SYT1: variants seen among roughly 807,000 people sequenced by gnomAD.
SYT1 encodes synaptotagmin 1.
A neutral mutation model predicts 44.8 loss-of-function variants in SYT1; 8 were observed. The ratio of observed to expected loss-of-function variants is 0.18; its 90% CI spans 0.10 to 0.32. The LOEUF is 0.32. Among genes scored for constraint, SYT1 ranks in the 10% least tolerant of loss-of-function variants. SYT1 has a pLI of 1.00. For missense variants in SYT1, 286 were observed against 509.3 expected, an observed-to-expected ratio of 0.56 and a Z score of 4.22; for synonymous variants, 154 against 188.8, an observed-to-expected ratio of 0.82 and a Z score of 1.51.
chr12:79,233,326 C>G (rs1024736983), intron 4 of SYT1, among the ~76,000 whole-genome samples: 1 of 152,170 alleles, frequency 6.6e-6, no homozygotes, highest in Non-Finnish European at 1.5e-5. Flanking sequence ...CTAACATAGC[C>G]CAGTTTCCTG....
intron 3 of SYT1, among the ~76,000 whole-genome samples, chr12:79,112,473 G>A (rs1235939474): frequency 6.6e-6 from 1 of 152,064 alleles, no homozygotes; most frequent in Non-Finnish European, 1.5e-5. Flanking sequence ...AAGCCATGTG[G>A]AGCCATTGAG....
At chr12:79,436,029 A>G (rs1003889303) in intron 9 of SYT1, among the ~76,000 whole-genome samples, 12 of 152,188 alleles carry the variant, frequency 7.9e-5, no homozygotes, top group Non-Finnish European at 5.9e-5. Flanking sequence ...ACAGTCTGGG[A>G]GAAATATTTC....
chr12:79,352,854 A>T (rs1882967430), intron 8 of SYT1, among the ~76,000 whole-genome samples: 1 of 152,190 alleles, frequency 6.6e-6, no homozygotes, highest in Non-Finnish European at 1.5e-5. Context: ...GCATTGTGTT[A>T]CTATGGGTTT....
At chr12:79,274,853 A>T (rs116975996) in intron 4 of SYT1, among the ~76,000 whole-genome samples, 6,952 of 152,292 alleles carry the variant, frequency 0.046, 178 homozygotes, top group African/African-American at 0.06. Flanking sequence ...GGCAATTGAG[A>T]AAGCCACCAC....
intron 8 of SYT1, among the ~76,000 whole-genome samples, chr12:79,349,017 AAGAAAGAAAGAAAGAAAAAG>A (rs1434806300): frequency 2.9e-5 from 4 of 138,830 alleles, no homozygotes; most frequent in Non-Finnish European, 6.1e-5. Flanking sequence ...GAAAGAAAGA[AAGAAAGAAAGAAAGAAAAAG>A]AAAGAAAGAA....
intron 9 of SYT1, among the ~76,000 whole-genome samples, chr12:79,381,462 C>T (rs576924987): frequency 1.3e-5 from 2 of 152,328 alleles, no homozygotes; most frequent in South Asian, 4.1e-4. Flanking sequence ...CAAGAGGCAT[C>T]TCTGTGTACT....
chr12:78,903,924 T>A (rs969089345), intron 1 of SYT1, among the ~76,000 whole-genome samples: 1 of 151,482 alleles, frequency 6.6e-6, no homozygotes, highest in Non-Finnish European at 1.5e-5. Context: ...TACCCCATTA[T>A]TTTTTTTCTA....
intron 9 of SYT1, among the ~76,000 whole-genome samples, chr12:79,442,280 G>C (rs2136198715): frequency 6.6e-6 from 1 of 152,196 alleles, no homozygotes; most frequent in East Asian, 1.9e-4. Flanking sequence ...AAACACACAA[G>C]GTCTCTGAAC....
At chr12:78,997,444 C>T (rs1870452349) in intron 2 of SYT1, among the ~76,000 whole-genome samples, 1 of 152,166 alleles carries the variant, frequency 6.6e-6, no homozygotes, top group East Asian at 1.9e-4. Context: ...ATATTCTTGA[C>T]AGCTAGATAT....
intron 4 of SYT1, among the ~76,000 whole-genome samples, chr12:79,267,559 C>G (rs1447270484): frequency 6.6e-6 from 1 of 152,144 alleles, no homozygotes; most frequent in Non-Finnish European, 1.5e-5. Flanking sequence ...TAGTTTTGAA[C>G]TTAGAAATCA....
intron 3 of SYT1, among the ~76,000 whole-genome samples, chr12:79,135,872 A>G (rs895805730): frequency 2.6e-5 from 4 of 152,168 alleles, no homozygotes; most frequent in Non-Finnish European, 5.9e-5. Context: ...AACAAATATG[A>G]TCCTTGCAAG....
At chr12:78,878,946 C>A (rs1239106407) in intron 1 of SYT1, among the ~76,000 whole-genome samples, 5 of 151,596 alleles carry the variant, frequency 3.3e-5, no homozygotes, top group African/African-American at 1.2e-4. Context: ...TGCAGTAGGG[C>A]AAAGAACATC....
At chr12:79,443,665 G>T (rs1870553418) in intron 9 of SYT1, among the ~76,000 whole-genome samples, 1 of 152,168 alleles carries the variant, frequency 6.6e-6, no homozygotes, top group Non-Finnish European at 1.5e-5. Flanking sequence ...GTGTTGTGCT[G>T]CAGGCAAGCC....
At chr12:79,053,406 T>G (rs1305347878) in intron 3 of SYT1, among the ~76,000 whole-genome samples, 2 of 151,912 alleles carry the variant, frequency 1.3e-5, no homozygotes, top group Non-Finnish European at 2.9e-5. Flanking sequence ...TACCTAATGC[T>G]AAATGACGAG....
chr12:78,872,851 A>G (rs937313670), intron 1 of SYT1, among the ~76,000 whole-genome samples: 4 of 151,734 alleles, frequency 2.6e-5, no homozygotes, highest in Non-Finnish European at 5.9e-5. Flanking sequence ...TGTTTATGTA[A>G]TTGGCACACT....
At chr12:79,148,769 G>A (rs1350306160) in intron 3 of SYT1, among the ~76,000 whole-genome samples, 2 of 152,048 alleles carry the variant, frequency 1.3e-5, no homozygotes, top group East Asian at 3.9e-4. Flanking sequence ...TTGAAACAAT[G>A]ATGATGATAG....
chr12:79,237,706 T>C (rs1453160447), intron 4 of SYT1, among the ~76,000 whole-genome samples: 2 of 152,320 alleles, frequency 1.3e-5, no homozygotes, highest in South Asian at 2.1e-4. Flanking sequence ...TCTACCCTTA[T>C]AGTGTTTTCA....
At chr12:79,418,202 C>T (rs961377163) in intron 9 of SYT1, among the ~76,000 whole-genome samples, 7 of 152,230 alleles carry the variant, frequency 4.6e-5, no homozygotes, top group East Asian at 1.9e-4. Flanking sequence ...GTAGTCCCAG[C>T]GCTAACATTT....
chr12:79,213,135 T>A (rs938167402), intron 3 of SYT1, among the ~76,000 whole-genome samples: 1 of 152,196 alleles, frequency 6.6e-6, no homozygotes, highest in African/African-American at 2.4e-5. Context: ...CAACTAGAAT[T>A]TTTTAGTGAT....
Sources: gnomAD v4.1 joint callset for allele counts (sites outside exome capture counted in the v4.1 genomes callset) on GRCh38, gnomAD v4.1.1 for gene constraint, MANE v1.5 for transcripts, NCBI Gene and HGNC (gene_info 2026-07-23, HGNC 2026-07-21) for gene names.